The following DNAJC13 variants were observed in gnomAD, a reference collection of about 807,000 sequenced individuals.
The protein encoded by DNAJC13 is dnaJ homolog subfamily C member 13.
In DNAJC13, 75 loss-of-function variants were observed where a neutral mutation model predicts 290.5. The ratio of observed to expected loss-of-function variants is 0.26; its 90% CI spans 0.21 to 0.31. DNAJC13 has a LOEUF of 0.31. Ranked by LOEUF, DNAJC13 falls within the 10% of genes least tolerant of loss-of-function variation. The pLI is 1.00. For missense variants in DNAJC13, 2,260 were observed against 2,674.5 expected (o/e 0.85, Z 3.42); for synonymous variants, 862 against 892.0 (o/e 0.97, Z 0.60).
intron 29 of DNAJC13, among the ~76,000 whole-genome samples, chr3:132,487,234 T>C (rs774011236): frequency 1.3e-5 from 2 of 151,742 alleles, no homozygotes; most frequent in African/African-American, 2.4e-5. Context: ...CTTACTCTCT[T>C]TATTGTAAAT....
At chr3:132,467,491 A>G in intron 20 of DNAJC13, 178 bp downstream of exon 20, 1 of 586,306 alleles carries the variant, frequency 1.7e-6, no homozygotes, top group Non-Finnish European at 2.7e-6. Context: ...TTTGAGACAG[A>G]GCCTTGCTCT....
At chr3:132,432,327 C>T (rs562667000) in intron 1 of DNAJC13, among the ~76,000 whole-genome samples, 4 of 151,976 alleles carry the variant, frequency 2.6e-5, no homozygotes, top group Admixed American at 1.3e-4. Flanking sequence ...CTCAGCCTCC[C>T]GGGTAGCTGG....
chr3:132,526,415 A>G, intron 53 of DNAJC13, 134 bp downstream of exon 53: 2 of 918,534 alleles, frequency 2.2e-6, no homozygotes, highest in Non-Finnish European at 3.2e-6. Flanking sequence ...TGTATAAACA[A>G]TTTTATATTT....
intron 40 of DNAJC13, 41 bp downstream of exon 40, chr3:132,502,509 C>T (rs762913400): frequency 1.0e-5 from 16 of 1,531,108 alleles, no homozygotes; most frequent in Non-Finnish European, 1.4e-5. Context: ...TGAACCCAAA[C>T]CTTAGGTTGG....
intron 15 of DNAJC13, among the ~76,000 whole-genome samples, chr3:132,461,528 C>G (rs533243588): frequency 6.6e-6 from 1 of 152,312 alleles, no homozygotes; most frequent in East Asian, 1.9e-4. Context: ...GTTGGACAAG[C>G]TTGATCTATA....
At chr3:132,448,976 A>G (rs913259776) in intron 5 of DNAJC13, among the ~76,000 whole-genome samples, 2 of 152,160 alleles carry the variant, frequency 1.3e-5, no homozygotes, top group African/African-American at 2.4e-5. Context: ...TCAAAAGCAT[A>G]CTTAGAATTT....
intron 29 of DNAJC13, among the ~76,000 whole-genome samples, chr3:132,485,910 A>AG (rs201054678): frequency 0.014 from 2,181 of 152,254 alleles, 61 homozygotes; most frequent in African/African-American, 0.05. Flanking sequence ...GTTTCTATTA[A>AG]GTTGTATGCC....
intron 1 of DNAJC13, among the ~76,000 whole-genome samples, chr3:132,431,664 A>G (rs1576455871): frequency 6.6e-6 from 1 of 152,254 alleles, no homozygotes; most frequent in African/African-American, 2.4e-5. Context: ...ATGAGTATGT[A>G]TGTTCACACA....
At chr3:132,525,013 T>G (rs1026049571) in intron 51 of DNAJC13, among the ~76,000 whole-genome samples, 1 of 151,780 alleles carries the variant, frequency 6.6e-6, no homozygotes, top group Non-Finnish European at 1.5e-5. Flanking sequence ...GTCTAAAAAT[T>G]TCTAGTAATA....
Position 132,492,508 on chromosome 3 carries a change from C to G in DNAJC13, c.3718C>G (p.Pro1240Ala), listed in dbSNP as rs1935089344. 3 of 1,613,872 alleles carry G rather than the reference C, an allele frequency of 1.9e-6. No individual in the cohort carries two copies. The highest frequency in any genetic ancestry group is 2.5e-6 in the Non-Finnish European group (3 of 1,179,854). Residue 1240 changes from proline to alanine, a missense_variant, in exon 33 of 56, where the codon CCT becomes GCT. Physicochemically the swap from Pro to Ala is conservative, Grantham distance 27. Transcript: ENST00000260818. ...TRALYQYCPIPIINYPQLENE... is the reference protein window; with the variant it reads ...TRALYQYCPIAIINYPQLENE... ...AGCACTTTATCAGTATTGCCCCATT[C>G]CTATAATCAACTATCCACAACTCGA...
intron 36 of DNAJC13, among the ~76,000 whole-genome samples, chr3:132,497,402 G>T (rs1298144006): frequency 6.6e-6 from 1 of 152,152 alleles, no homozygotes; most frequent in Admixed American, 6.5e-5. Context: ...AGAGCCATTT[G>T]CTATGGTATG....
chr3:132,441,333 TC>T (rs1196744943), intron 2 of DNAJC13, among the ~76,000 whole-genome samples: 1 of 152,220 alleles, frequency 6.6e-6, no homozygotes, highest in African/African-American at 2.4e-5. Context: ...AGAATTGCTT[TC>T]AGTTAAGATA....
In DNAJC13 at chr3:132,494,186, G is replaced by A; in HGVS notation, c.3868G>A (p.Val1290Ile). 1 of 1,612,898 alleles carries A rather than the reference G, an allele frequency of 6.2e-7. No homozygotes were observed. Among genetic ancestry groups the A allele is most frequent in the Non-Finnish European group, 8.5e-7 (1 of 1,179,492 alleles). The change falls in exon 34 of 56, where the codon GTA becomes ATA. Residue 1290 changes from valine to isoleucine, a missense_variant. Val to Ile is a conservative substitution (Grantham distance 29, BLOSUM62 3). Around this residue, in one of 3 missense-constraint regions of DNAJC13, gnomAD observed 1,494 missense variants for 1,693.7 expected, o/e 0.88. Coordinates refer to ENST00000260818, the MANE Select transcript of DNAJC13 (RefSeq NM_015268.4). ...KDTLDAWKKE[V>I]EKKPPMMSID... ...TACCCTTGATGCCTGGAAGAAAGAA[G>A]TAGAAAAGAAGCCACCTATGATGTC...
intron 5 of DNAJC13, among the ~76,000 whole-genome samples, chr3:132,448,263 G>A (rs1456058542): frequency 6.6e-6 from 1 of 152,166 alleles, no homozygotes; most frequent in Non-Finnish European, 1.5e-5. Context: ...ACTGCTGATA[G>A]TGCATGTTGG....
intron 27 of DNAJC13, among the ~76,000 whole-genome samples, chr3:132,482,595 GTGTAGTGGCTT>G (rs1934715466): frequency 6.6e-6 from 1 of 152,140 alleles, no homozygotes; most frequent in Admixed American, 6.5e-5. Flanking sequence ...TTCTGGCTGG[GTGTAGTGGCTT>G]ACACCTGTAA....
At chr3:132,476,769 G>A (rs1280789632) in intron 22 of DNAJC13, among the ~76,000 whole-genome samples, 1 of 152,048 alleles carries the variant, frequency 6.6e-6, no homozygotes, top group Non-Finnish European at 1.5e-5. Context: ...TTAGAATAAG[G>A]GTTTTCCACA....
chr3:132,511,248 T>C lies in DNAJC13; in HGVS notation c.5293+4T>C. The C allele has an allele frequency of 6.2e-7, 1 of 1,613,678 alleles. No homozygotes were observed. The highest frequency in any genetic ancestry group is 2.2e-5 in the East Asian group (1 of 44,864). ...AATGTCATAAAATACAATCCAGGTA[T>C]GTGACTACACCTTTGATCAATAAGA... On this transcript the variant is annotated splice_donor_region_variant and intron_variant, in intron 44 of 55. Transcript: ENST00000260818.
In DNAJC13 at chr3:132,503,289, G is replaced by A. The variant is rs566485027; in HGVS notation, c.4792G>A (p.Ala1598Thr). 38 of 1,614,094 alleles carry A rather than the reference G, an allele frequency of 2.4e-5. No homozygotes were observed. In the South Asian group the frequency reaches 4.1e-4, roughly 17 times the overall value. ...RLGGYLAEEQ[A>T]TPENPTIRKS... ...TGGAGGGTATTTGGCTGAAGAACAA[G>A]CAACTCCAGAAAATCCAACCATAAG... The change falls in exon 41 of 56, where the codon GCA (alanine) becomes ACA (threonine). Residue 1598 changes from alanine to threonine, a missense_variant. By Grantham distance (58) the Ala-to-Thr change is moderately conservative. Around this residue, in one of 3 missense-constraint regions of DNAJC13, gnomAD observed 1,494 missense variants for 1,693.7 expected, o/e 0.88. Coordinates refer to ENST00000260818, the MANE Select transcript of DNAJC13 (RefSeq NM_015268.4).
At chr3:132,534,645 C>CA (rs72372476) in intron 55 of DNAJC13, among the ~76,000 whole-genome samples, 18,517 of 151,740 alleles carry the variant, frequency 0.12, 1,656 homozygotes, top group East Asian at 0.53. Flanking sequence ...GACCTTGTCT[C>CA]AAAAAAAATT....
Sources: gnomAD v4.1 joint callset for allele counts (sites outside exome capture counted in the v4.1 genomes callset) on GRCh38, gnomAD v4.1.1 for gene constraint, gnomAD v4.1.1 regional missense constraint, MANE v1.5 for transcripts, NCBI Gene and HGNC (gene_info 2026-07-23, HGNC 2026-07-21) for gene names.